SATB2: variants seen among roughly 807,000 people sequenced by gnomAD.
SATB2 encodes SATB homeobox 2.
Under a neutral mutation model 73.4 loss-of-function variants are expected in SATB2, and 1 was observed. The ratio of observed to expected loss-of-function variants is 0.01; its 90% CI spans 0.00 to 0.06. The LOEUF is 0.06. Among genes scored for constraint, SATB2 ranks in the 10% least tolerant of loss-of-function variants. The pLI is 1.00. For missense variants in SATB2, 459 were observed against 945.8 expected, an observed-to-expected ratio of 0.49 and a Z score of 6.75; for synonymous variants, 397 against 367.0, an observed-to-expected ratio of 1.08 and a Z score of -0.93.
chr2:199,373,840 G>A (rs1689519056), intron 5 of SATB2, among the ~76,000 whole-genome samples: 1 of 152,194 alleles, frequency 6.6e-6, no homozygotes, highest in Non-Finnish European at 1.5e-5. Flanking sequence ...AACTAAAACA[G>A]ACAGTTGGCA....
At chr2:199,392,405 A>T (rs1306151489) in intron 3 of SATB2, among the ~76,000 whole-genome samples, 3 of 149,958 alleles carry the variant, frequency 2.0e-5, no homozygotes, top group Non-Finnish European at 4.4e-5. Context: ...GGCTGAATAG[A>T]CAATACCCAG....
At chr2:199,332,724 T>G (rs532489038) in intron 7 of SATB2, among the ~76,000 whole-genome samples, 2 of 152,310 alleles carry the variant, frequency 1.3e-5, no homozygotes, top group African/African-American at 4.8e-5. Flanking sequence ...CCATACTTCC[T>G]TAACAATTTA....
upstream of SATB2, chr2:199,458,686 G>A (rs768023183): frequency 2.3e-6 from 1 of 442,444 alleles, no homozygotes; most frequent in Non-Finnish European, 4.5e-6. Context: ...CGGCTGCCTC[G>A]GCTCCCAGCT....
At chr2:199,418,119 G>GTT (rs1691049375) in intron 3 of SATB2, among the ~76,000 whole-genome samples, 2 of 152,190 alleles carry the variant, frequency 1.3e-5, no homozygotes, top group Admixed American at 6.5e-5. Context: ...CAAGGGCAAT[G>GTT]TAAAGCACTT....
At chr2:199,330,537 G>T (rs1019425078) in intron 7 of SATB2, among the ~76,000 whole-genome samples, 1 of 152,148 alleles carries the variant, frequency 6.6e-6, no homozygotes, top group Non-Finnish European at 1.5e-5. Context: ...AAAAATAACC[G>T]ACTGGTACAT....
At chr2:199,414,647 T>C (rs1651377105) in intron 3 of SATB2, among the ~76,000 whole-genome samples, 1 of 152,174 alleles carries the variant, frequency 6.6e-6, no homozygotes, top group African/African-American at 2.4e-5. Context: ...GATAATGGGC[T>C]GTGACTCGGT....
rs554068682 is a variant in SATB2 at position 199,412,761 on chromosome 2, A to T, written c.346+20577T>A. 6.6e-5 allele frequency among the ~76,000 whole-genome samples: 10 copies of T among 152,186 alleles called. No individual in the cohort carries two copies. In the South Asian group the frequency reaches 1.7e-3, roughly 25 times the overall value. ...AAACAAAAAACAAACAAACAAAAAA[A>T]CCTCCCTAATGGGGACAAGTCACAG... On this transcript the variant is annotated intron_variant, in intron 3 of 10. Coordinates refer to ENST00000417098, the MANE Select transcript of SATB2 (RefSeq NM_001172509.2).
At chr2:199,366,812 TAAAA>T (rs36110374) in intron 6 of SATB2, among the ~76,000 whole-genome samples, 1 of 140,830 alleles carries the variant, frequency 7.1e-6, no homozygotes, top group Non-Finnish European at 1.5e-5. Context: ...TTACTATCTT[TAAAA>T]AAAAAAAAAA....
Position 199,273,830 on chromosome 2 carries a change from G to C in SATB2, c.1741-1158C>G, listed in dbSNP as rs568371630. Among the ~76,000 whole-genome samples the C allele has an allele frequency of 2.6e-5, 4 of 151,670 alleles. No individual in the cohort carries two copies. The South Asian group carries it at 8.3e-4, about 32-fold the overall frequency. On this transcript the variant is annotated intron_variant, in intron 10 of 10. Coordinates refer to ENST00000417098, the MANE Select transcript of SATB2 (RefSeq NM_001172509.2). ...ATTTAATAAAAAAGCAAAATCTTAG[G>C]TAAGCTTACTCAAAGGAACTCAGTC...
At chr2:199,286,968 T>C (rs1347217051) in intron 10 of SATB2, among the ~76,000 whole-genome samples, 2 of 152,094 alleles carry the variant, frequency 1.3e-5, no homozygotes, top group African/African-American at 4.8e-5. Context: ...ATGAGGAAGA[T>C]GAAAGGTTAG....
chr2:199,313,809 T>C (rs1317766761), intron 9 of SATB2, among the ~76,000 whole-genome samples: 1 of 152,206 alleles, frequency 6.6e-6, no homozygotes, highest in Non-Finnish European at 1.5e-5. Context: ...AGAGAACCTC[T>C]AGTTCACAAT....
At chr2:199,442,385 C>T (rs1691844227) in intron 2 of SATB2, among the ~76,000 whole-genome samples, 2 of 152,164 alleles carry the variant, frequency 1.3e-5, no homozygotes, top group South Asian at 4.1e-4. Flanking sequence ...GGTATCACCA[C>T]GGGCATCGCA....
chr2:199,307,060 T>A (rs1260539080), intron 10 of SATB2, among the ~76,000 whole-genome samples: 1 of 152,098 alleles, frequency 6.6e-6, no homozygotes, highest in African/African-American at 2.4e-5. Context: ...GGCCTTGTGT[T>A]GGTTCAAGAT....
At position 199,334,049 on chromosome 2, in the gene SATB2, C is replaced by CT. The variant is rs146526850; in HGVS notation, c.1174-5140dup. Among the ~76,000 whole-genome samples, 1,159 of 152,126 alleles carry CT rather than the reference C, an allele frequency of 7.6e-3. 13 individuals are homozygous for CT. Among genetic ancestry groups the CT allele is most frequent in the African/African-American group, 0.026 (1,088 of 41,510 alleles). The stretch of plus-strand genomic sequence containing the variant: ...CTCATCTATTTACTAAAACATGTAC[C>CT]TTTTGAAGTAACTTGATCCAAAAAA... On this transcript the variant is annotated intron_variant, in intron 7 of 10. Coordinates refer to ENST00000417098, the MANE Select transcript of SATB2 (RefSeq NM_001172509.2).
chr2:199,349,500 C>T (rs1431676513), intron 6 of SATB2, among the ~76,000 whole-genome samples: 1 of 152,154 alleles, frequency 6.6e-6, no homozygotes, highest in Non-Finnish European at 1.5e-5. Context: ...TATCATCTCC[C>T]CAATCAACCT....
At chr2:199,273,948 C>T (rs1692237265) in intron 10 of SATB2, among the ~76,000 whole-genome samples, 1 of 152,134 alleles carries the variant, frequency 6.6e-6, no homozygotes, top group South Asian at 2.1e-4. Context: ...ATCGCCCACA[C>T]CTTACAGCTT....
upstream of SATB2, among the ~76,000 whole-genome samples, chr2:199,469,127 C>A (rs1254228413): frequency 6.6e-6 from 1 of 152,164 alleles, no homozygotes; most frequent in Non-Finnish European, 1.5e-5. Context: ...GAAAAGAGCA[C>A]CCCCTAATCC....
chr2:199,422,173 C>G (rs1691191522), intron 3 of SATB2, among the ~76,000 whole-genome samples: 1 of 152,070 alleles, frequency 6.6e-6, no homozygotes, highest in Non-Finnish European at 1.5e-5. Flanking sequence ...TTGCATACAT[C>G]TGACCTCCAC....
At chr2:199,321,655 T>G (rs891121412) in intron 9 of SATB2, among the ~76,000 whole-genome samples, 1 of 151,990 alleles carries the variant, frequency 6.6e-6, no homozygotes, top group African/African-American at 2.4e-5. Flanking sequence ...GCAATTGATT[T>G]CACTAAATGT....
Sources: allele counts gnomAD v4.1 joint callset (sites outside exome capture counted in the v4.1 genomes callset), GRCh38; gene constraint gnomAD v4.1.1; transcripts MANE v1.5; gene names NCBI Gene and HGNC (gene_info 2026-07-23, HGNC 2026-07-21).